MOV10L1: variants seen among roughly 807,000 people sequenced by gnomAD.
MOV10L1 encodes the protein RNA helicase Mov10l1.
In MOV10L1, 110 loss-of-function variants were observed where a neutral mutation model predicts 143.8. The observed-to-expected ratio is 0.76, with a 90% confidence interval of 0.66 to 0.90. The LOEUF (loss-of-function observed/expected upper bound fraction) is 0.90. Among genes scored for constraint, MOV10L1 ranks in the 40% least tolerant of loss-of-function variants. The probability of loss-of-function intolerance (pLI) is 0.00; values close to 1 mark genes in which losing one functional copy is unlikely to be tolerated. For missense variants in MOV10L1, 1,406 were observed against 1,526.8 expected, an observed-to-expected ratio of 0.92 and a Z score of 1.32; for synonymous variants, 593 against 581.1, an observed-to-expected ratio of 1.02 and a Z score of -0.29.
intron 19 of MOV10L1, chr22:50,147,038 T>A: frequency 1.3e-6 from 2 of 1,551,056 alleles, no homozygotes; most frequent in Admixed American, 3.9e-5. Flanking sequence ...TTAATGTGTG[T>A]TGATGAGTCA....
chr22:50,138,258 G>A (rs914557131), intron 15 of MOV10L1, among the ~76,000 whole-genome samples: 1 of 152,180 alleles, frequency 6.6e-6, no homozygotes, highest in Non-Finnish European at 1.5e-5. Context: ...GAAAGAACAG[G>A]CATCCGCATC....
intron 2 of MOV10L1, chr22:50,096,075 A>G (rs2062580754): frequency 6.6e-6 from 1 of 152,100 alleles, no homozygotes; most frequent in African/African-American, 2.4e-5. Context: ...TACCATTTTA[A>G]CCATATTGAA....
At chr22:50,104,015 C>G (rs893212272) in intron 3 of MOV10L1, among the ~76,000 whole-genome samples, 1 of 152,052 alleles carries the variant, frequency 6.6e-6, no homozygotes, top group Non-Finnish European at 1.5e-5. Context: ...GCTTGTTTTC[C>G]CAGAACTAGA....
At chr22:50,142,681 C>A (rs1456584338) in intron 16 of MOV10L1, among the ~76,000 whole-genome samples, 4 of 150,304 alleles carry the variant, frequency 2.7e-5, no homozygotes, top group Admixed American at 6.6e-5. Context: ...AAAAAAAATA[C>A]AAAAATTAGC....
intron 22 of MOV10L1, among the ~76,000 whole-genome samples, chr22:50,157,339 G>A (rs1246832005): frequency 6.6e-6 from 1 of 152,158 alleles, no homozygotes; most frequent in East Asian, 1.9e-4. Context: ...TTTCCATTTG[G>A]ATGTAGTCCA....
At chr22:50,127,817 G>A (rs2062555316) in intron 12 of MOV10L1, among the ~76,000 whole-genome samples, 1 of 150,580 alleles carries the variant, frequency 6.6e-6, no homozygotes, top group Non-Finnish European at 1.5e-5. Flanking sequence ...CTGTCACCCA[G>A]CCTGGAGTAC....
intron 1 of MOV10L1, 57 bp from the exon 2 acceptor site, chr22:50,091,944 A>G: frequency 6.5e-7 from 1 of 1,532,690 alleles, no homozygotes; most frequent in South Asian, 1.2e-5. Context: ...GGTGGGGTTC[A>G]CTGTAGCGTA....
intron 15 of MOV10L1, among the ~76,000 whole-genome samples, chr22:50,136,543 C>G (rs568650271): frequency 6.6e-6 from 1 of 152,206 alleles, no homozygotes; most frequent in African/African-American, 2.4e-5. Context: ...AGAGAGGAAA[C>G]AAATGAGGTG....
chr22:50,107,259 A>G (rs141126023), intron 3 of MOV10L1, among the ~76,000 whole-genome samples: 12,443 of 147,170 alleles, frequency 0.085, 642 homozygotes, highest in South Asian at 0.18. Context: ...TATTTTTAGT[A>G]GAGACGGGGT....
At chr22:50,113,606 G>A (rs1569285389) in intron 5 of MOV10L1, 42 bp from the exon 6 acceptor site, 1 of 1,602,884 alleles carries the variant, frequency 6.2e-7, no homozygotes, top group South Asian at 1.1e-5. Context: ...GGAAGGGGTG[G>A]TGCTGCTGCA....
chr22:50,136,585 G>T (rs974617172), intron 15 of MOV10L1, among the ~76,000 whole-genome samples: 1 of 152,200 alleles, frequency 6.6e-6, no homozygotes, highest in Admixed American at 6.5e-5. Context: ...ACAGCCTTCC[G>T]AGAGTGTCTA....
chr22:50,112,755 C>T (rs2062057578), intron 5 of MOV10L1, among the ~76,000 whole-genome samples: 1 of 152,242 alleles, frequency 6.6e-6, no homozygotes, highest in Admixed American at 6.5e-5. Flanking sequence ...CACAGCCTTC[C>T]CGTGGCAAGA....
intron 5 of MOV10L1, among the ~76,000 whole-genome samples, chr22:50,110,515 TAG>T (rs887178445): frequency 6.6e-6 from 1 of 152,128 alleles, no homozygotes; most frequent in African/African-American, 2.4e-5. Context: ...AAGGTGGAGT[TAG>T]GGGTCGCTCT....
chr22:50,143,022 C>CT, intron 16 of MOV10L1, 21 bp from the exon 17 acceptor site: 1 of 1,610,782 alleles, frequency 6.2e-7, no homozygotes, highest in Non-Finnish European at 8.5e-7. Flanking sequence ...CTAACTGAAA[C>CT]TTTCTTCACT....
Position 50,144,113 on chromosome 22 carries a change from C to T in MOV10L1, c.2375C>T (p.Pro792Leu), listed in dbSNP as rs754796212. The change falls in exon 18 of 27, where the codon CCG becomes CTG. Residue 792 changes from proline (P) to leucine (L), a missense_variant. Physicochemically the swap from Pro to Leu is moderately conservative, Grantham distance 98 (BLOSUM62 -3). Around this residue, in one of 3 missense-constraint regions of MOV10L1, gnomAD observed 1,233 missense variants for 1,351.4 expected, o/e 0.91. Coordinates refer to ENST00000262794, the MANE Select transcript of MOV10L1 (RefSeq NM_018995.3). ...EAVLQVHFAL[P>L]DSRILVCAPS... ...TTGATGAAGGTACACTTTGCCTTGC[C>T]GGACAGTCGGATTTTAGTCTGTGCG... is the stretch of plus-strand genomic sequence containing the variant. The T allele has an allele frequency of 1.1e-5, 17 of 1,609,816 alleles. No homozygotes were observed. Among genetic ancestry groups the T allele is most frequent in the South Asian group, 2.2e-5 (2 of 90,958 alleles).
intron 18 of MOV10L1, among the ~76,000 whole-genome samples, 196 bp downstream of exon 18, chr22:50,144,439 C>A (rs59650998): frequency 0.072 from 10,158 of 141,804 alleles, 356 homozygotes; most frequent in South Asian, 0.12. Flanking sequence ...TATTTCATCA[C>A]ATTCTCACTC....
Position 50,123,151 on chromosome 22 carries a change from G to A in MOV10L1, c.1570-2241G>A, listed in dbSNP as rs549617316. Among the ~76,000 whole-genome samples, 132 of 143,058 alleles carry A rather than the reference G, an allele frequency of 9.2e-4. 1 individual carries two copies. Among genetic ancestry groups the A allele is most frequent in the African/African-American group, 3.1e-3 (120 of 38,830 alleles). 93.9% of individuals were successfully genotyped at this position (143,058 alleles called of 152,430 possible). On this transcript the variant is annotated intron_variant, in intron 10 of 26. Coordinates refer to ENST00000262794, the MANE Select transcript of MOV10L1 (RefSeq NM_018995.3). ...GCAGAGGTTGCGGTGAGCTGAGATC[G>A]CACCATTGCGCTCCAGCCTTGGTGA... is the stretch of plus-strand genomic sequence containing the variant.
Position 50,153,098 on chromosome 22 carries a change from C to T in MOV10L1, c.2946C>T (p.Pro982=), listed in dbSNP as rs1339048468. 1.2e-6 allele frequency: 2 copies of T among 1,613,630 alleles called. No individual in the cohort carries two copies. The highest frequency in any genetic ancestry group is 2.2e-5 in the East Asian group (1 of 44,870). ...CCCACGAGGCCCTGCTGATGCTGCC[C>T]TCACGGCTGTTCTACCACAGGGAAC... ...YRSHEALLML[P]SRLFYHRELE... Residue 982 remains proline (P), a synonymous_variant, in exon 22 of 27, where the codon CCC becomes CCT. Transcript: ENST00000262794.
intron 3 of MOV10L1, among the ~76,000 whole-genome samples, chr22:50,107,836 G>A (rs1276811339): frequency 2.0e-5 from 3 of 152,206 alleles, no homozygotes; most frequent in Non-Finnish European, 4.4e-5. Context: ...CGGGGGAAGG[G>A]GGATGCCACC....
Sources: allele counts gnomAD v4.1 joint callset (sites outside exome capture counted in the v4.1 genomes callset), GRCh38; gene constraint gnomAD v4.1.1; regional missense constraint gnomAD v4.1.1; transcripts MANE v1.5; gene names NCBI Gene and HGNC (gene_info 2026-07-23, HGNC 2026-07-21).